Variants in ENPP2 observed in about 807,000 individuals in gnomAD.
The protein encoded by ENPP2 is ectonucleotide pyrophosphatase/phosphodiesterase 2.
In ENPP2, 51 loss-of-function variants were observed where a neutral mutation model predicts 120.2. The observed-to-expected ratio is 0.42, with a 90% confidence interval of 0.34 to 0.54. The LOEUF (loss-of-function observed/expected upper bound fraction) is 0.54. Ranked by LOEUF, ENPP2 falls within the 20% of genes least tolerant of loss-of-function variation. The pLI, the probability that ENPP2 is intolerant of heterozygous loss-of-function variation, is 0.04. For missense variants in ENPP2, 920 were observed against 1,066.5 expected (o/e 0.86, Z 1.91); for synonymous variants, 365 against 366.4 (o/e 1.00, Z 0.04).
intron 22 of ENPP2, 133 bp downstream of exon 22, chr8:119,568,042 C>G (rs770706243): frequency 1.7e-6 from 1 of 588,094 alleles, no homozygotes; most frequent in Non-Finnish European, 3.0e-6. Context: ...CATGAAAGAT[C>G]CTCAAAAATT....
chr8:119,562,891 A>G lies in ENPP2; in HGVS notation c.2387T>C (p.Leu796Pro). 1.2e-6 allele frequency: 2 copies of G among 1,614,188 alleles called. No individual in the cohort carries two copies. The highest frequency in any genetic ancestry group is 1.7e-6 in the Non-Finnish European group (2 of 1,180,026). ...CTCCTCGTTGTCAGGCCGGTGAGGC[A>G]GGATGAAGGAGGACACAGAGAGAGG... ...DGPLSVSSFILPHRPDNEESC... is the reference protein window; with the variant it reads ...DGPLSVSSFIPPHRPDNEESC... Residue 796 changes from leucine to proline, a missense_variant, in exon 24 of 25, where the codon CTG (leucine) becomes CCG (proline). Leu to Pro is a moderately conservative substitution (Grantham distance 98, BLOSUM62 -3). Transcript: ENST00000075322.
Position 119,607,614 on chromosome 8 carries a change from G to A in ENPP2, c.833+308C>T, listed in dbSNP as rs561545738. Among the ~76,000 whole-genome samples the A allele has an allele frequency of 1.4e-3, 211 of 151,662 alleles. 1 individual carries two copies. The highest frequency in any genetic ancestry group is 4.8e-3 in the African/African-American group (199 of 41,232). The stretch of plus-strand genomic sequence containing the variant: ...CACTTGAACCCGGGAGGCAGAGGTT[G>A]CAGTGAGCCAAGATTGCGCCACTGC... On this transcript the variant is annotated intron_variant, in intron 9 of 24. Coordinates refer to ENST00000075322, the MANE Select transcript of ENPP2 (RefSeq NM_001040092.3).
intron 1 of ENPP2, among the ~76,000 whole-genome samples, chr8:119,646,827 A>G (rs1223299537): frequency 6.6e-6 from 1 of 152,086 alleles, no homozygotes; most frequent in Non-Finnish European, 1.5e-5. Flanking sequence ...CTTAACATAC[A>G]TTGTTGCTTT....
At chr8:119,611,754 C>T (rs1445899909) in intron 8 of ENPP2, among the ~76,000 whole-genome samples, 3 of 152,080 alleles carry the variant, frequency 2.0e-5, no homozygotes, top group South Asian at 2.1e-4. Flanking sequence ...GGCCGGGCGC[C>T]GTGGCTCACA....
intron 6 of ENPP2, 59 bp from the exon 7 acceptor site, chr8:119,617,302 A>G: frequency 7.2e-7 from 1 of 1,386,946 alleles, no homozygotes; most frequent in Admixed American, 1.7e-5. Flanking sequence ...CTTATAGAAA[A>G]TCCATTTTAT....
In ENPP2 at chr8:119,614,701, G is replaced by T. The variant is rs570891314; in HGVS notation, c.777+1564C>A. 3.9e-5 allele frequency among the ~76,000 whole-genome samples: 6 copies of T among 152,222 alleles called. No individual in the cohort carries two copies. In the East Asian group the frequency reaches 7.7e-4, roughly 20 times the overall value. On this transcript the variant is annotated intron_variant, in intron 8 of 24. Transcript: ENST00000075322. ...TACTATTTATCTCTAATCCTTTAAG[G>T]TTCTTCAGGTAAGTTTGCTTCCATA...
chr8:119,583,959 T>C lies in ENPP2; in HGVS notation c.1455+3A>G. 3 of 1,608,750 alleles carry C rather than the reference T, an allele frequency of 1.9e-6. No individual in the cohort carries two copies. Among genetic ancestry groups the C allele is most frequent in the South Asian group, 1.1e-5 (1 of 90,974 alleles). On this transcript the variant is annotated splice_donor_region_variant and intron_variant, in intron 16 of 24. Coordinates refer to ENST00000075322, the MANE Select transcript of ENPP2 (RefSeq NM_001040092.3). ...ATTTCAATTCACAGTTCTGCCATCATACCTGCATGCTGTTGACCTTGTTAT... is the reference window on the plus strand; with the variant it reads ...ATTTCAATTCACAGTTCTGCCATCACACCTGCATGCTGTTGACCTTGTTAT...
At chr8:119,567,600 A>C (rs1271401694) in intron 22 of ENPP2, among the ~76,000 whole-genome samples, 1 of 152,234 alleles carries the variant, frequency 6.6e-6, no homozygotes, top group Non-Finnish European at 1.5e-5. Flanking sequence ...TTGGTACAGG[A>C]CTAAAATCAT....
At chr8:119,668,165 T>C (rs1469589703) in intron 1 of ENPP2, among the ~76,000 whole-genome samples, 3 of 152,190 alleles carry the variant, frequency 2.0e-5, no homozygotes, top group Non-Finnish European at 4.4e-5. Context: ...AATCACCTGG[T>C]TCCTCACCTA....
At chr8:119,640,342 A>C (rs1817240251), upstream of ENPP2, among the ~76,000 whole-genome samples, 1 of 152,226 alleles carries the variant, frequency 6.6e-6, no homozygotes, top group Non-Finnish European at 1.5e-5. Context: ...ACTCCATGAA[A>C]GATTTTCCTA....
At chr8:119,564,745 A>G in intron 23 of ENPP2, 78 bp downstream of exon 23, 1 of 1,283,922 alleles carries the variant, frequency 7.8e-7, no homozygotes, top group Non-Finnish European at 1.1e-6. Context: ...CTTCTCTAGT[A>G]TATGAATATT....
chr8:119,638,730 A>C lies in ENPP2; in HGVS notation c.33+18T>G. The C allele has an allele frequency of 1.4e-6, 2 of 1,437,742 alleles. No individual in the cohort carries two copies. The highest frequency in any genetic ancestry group is 2.0e-6 in the Non-Finnish European group (2 of 1,018,784). 89.1% of individuals were successfully genotyped at this position (1,437,742 alleles called of 1,614,324 possible). A position where few individuals can be genotyped will look rare whatever the true frequency, so the allele number is the denominator to read the frequency against. ...CTGAAGATCAAGCATGTCCCCCGTC[A>C]TTCCTCCGTTCTCCCACCTGACACG... is the stretch of plus-strand genomic sequence containing the variant. On this transcript the variant is annotated intron_variant, in intron 1 of 24. Transcript: ENST00000075322.
intron 22 of ENPP2, among the ~76,000 whole-genome samples, chr8:119,567,793 T>C (rs1814601387): frequency 6.6e-6 from 1 of 152,220 alleles, no homozygotes; most frequent in Non-Finnish European, 1.5e-5. Context: ...GTGAAGACCC[T>C]TTTTAACCAT....
intron 21 of ENPP2, among the ~76,000 whole-genome samples, 170 bp from the exon 22 acceptor site, chr8:119,568,422 C>T (rs1396808917): frequency 3.9e-5 from 6 of 151,948 alleles, no homozygotes; most frequent in Non-Finnish European, 7.4e-5. Flanking sequence ...GTCCTTACTC[C>T]CCTCCCACTC....
intron 20 of ENPP2, among the ~76,000 whole-genome samples, chr8:119,570,172 G>A (rs1814840775): frequency 6.6e-6 from 1 of 151,956 alleles, no homozygotes; most frequent in Admixed American, 6.6e-5. Flanking sequence ...GGGAGGCTGA[G>A]GCAGGAGAAT....
intron 1 of ENPP2, among the ~76,000 whole-genome samples, chr8:119,653,612 A>C (rs1425456085): frequency 6.6e-6 from 1 of 152,186 alleles, no homozygotes; most frequent in African/African-American, 2.4e-5. Flanking sequence ...GGCAGCAGTA[A>C]GAGACAATGT....
chr8:119,623,094 A>G (rs1004873878), intron 3 of ENPP2, among the ~76,000 whole-genome samples: 4 of 152,204 alleles, frequency 2.6e-5, no homozygotes, highest in Admixed American at 2.6e-4. Flanking sequence ...GTGGAAAGAA[A>G]TGATTTTTAA....
intron 20 of ENPP2, 113 bp downstream of exon 20, chr8:119,570,592 T>C (rs1274838770): frequency 4.9e-6 from 3 of 615,446 alleles, no homozygotes; most frequent in Non-Finnish European, 8.2e-6. Flanking sequence ...ATTTCTGTCA[T>C]TAAGAAAAAA....
At chr8:119,589,967 G>T (rs187855780) in intron 13 of ENPP2, among the ~76,000 whole-genome samples, 223 of 152,216 alleles carry the variant, frequency 1.5e-3, no homozygotes, top group African/African-American at 5.2e-3. Context: ...TTTCAGGACA[G>T]CTGCCACTTC....
Sources: gnomAD v4.1 joint callset for allele counts (sites outside exome capture counted in the v4.1 genomes callset) on GRCh38, gnomAD v4.1.1 for gene constraint, MANE v1.5 for transcripts, NCBI Gene and HGNC (gene_info 2026-07-23, HGNC 2026-07-21) for gene names.